Variants in FRAS1 observed in about 807,000 individuals in gnomAD.
FRAS1 encodes the protein Fraser extracellular matrix complex subunit 1, also known as extracellular matrix organizing protein FRAS1.
Under a neutral mutation model 435.2 loss-of-function variants are expected in FRAS1, and 290 were observed. The observed-to-expected ratio is 0.67, with a 90% CI of 0.61 to 0.73. The LOEUF (loss-of-function observed/expected upper bound fraction) is 0.73, where lower values mean the gene tolerates loss of function less well. Ranked by LOEUF, FRAS1 falls within the 30% of genes least tolerant of loss-of-function variation. FRAS1 has a pLI of 0.00. For synonymous variants in FRAS1, 1,800 were observed against 1,851.0 expected (o/e 0.97, Z 0.71); for missense variants, 4,860 against 5,001.5 (o/e 0.97, Z 0.85).
In FRAS1 at chr4:78,448,222, C is replaced by G. The variant is rs373570201; in HGVS notation, c.6180C>G (p.Leu2060=). The change falls in exon 44 of 74, where the codon CTC becomes CTG. Residue 2060 remains leucine (L), a synonymous_variant. Coordinates refer to ENST00000512123, the MANE Select transcript of FRAS1 (RefSeq NM_025074.7). ...DEFQFSLTDG[L]HVDTGRMKIY... is the part of the protein sequence containing the mutation. The stretch of plus-strand genomic sequence containing the variant: ...TCCAGTTCTCCCTCACTGATGGCCT[C>G]CACGTGGACACAGGGAGGATGAAGA... 6.5e-7 allele frequency: 1 copy of G among 1,546,468 alleles called. No homozygotes were observed. Among genetic ancestry groups the G allele is most frequent in the East Asian group, 2.4e-5 (1 of 41,874 alleles).
rs1252980167 is a variant in FRAS1 at position 78,144,546 on chromosome 4, A to AT, written c.108+78536dup. On this transcript the variant is annotated intron_variant, in intron 2 of 73. Coordinates refer to ENST00000512123, the MANE Select transcript of FRAS1 (RefSeq NM_025074.7). ...TTTTGTAGCTCCTGTATTTGTTTACATTTTTTATTGTAAAGTGATATACAT... is the reference window on the plus strand; with the variant it reads ...TTTTGTAGCTCCTGTATTTGTTTACATTTTTTTATTGTAAAGTGATATACAT... Among the ~76,000 whole-genome samples the AT allele has an allele frequency of 2.6e-5, 4 of 152,056 alleles. No homozygotes were observed. In the South Asian group the frequency reaches 8.3e-4, roughly 32 times the overall value.
intron 40 of FRAS1, among the ~76,000 whole-genome samples, 196 bp downstream of exon 40, chr4:78,439,260 T>G (rs1213329757): frequency 6.6e-6 from 1 of 152,200 alleles, no homozygotes; most frequent in Non-Finnish European, 1.5e-5. Context: ...GAAGATCAAA[T>G]CATTATATCT....
intron 60 of FRAS1, 92 bp downstream of exon 60, chr4:78,497,053 C>A: frequency 3.0e-6 from 3 of 1,009,034 alleles, no homozygotes; most frequent in South Asian, 3.2e-5. Flanking sequence ...AATAAAAGTG[C>A]TTTAAGAATG....
chr4:78,370,786 G>A (rs921313407), intron 23 of FRAS1, among the ~76,000 whole-genome samples: 7 of 152,182 alleles, frequency 4.6e-5, no homozygotes, highest in African/African-American at 1.7e-4. Context: ...CCAGTAGTTG[G>A]AATTCTCGGG....
At chr4:78,141,968 C>G (rs565945949) in intron 2 of FRAS1, among the ~76,000 whole-genome samples, 1 of 152,100 alleles carries the variant, frequency 6.6e-6, no homozygotes, top group Non-Finnish European at 1.5e-5. Flanking sequence ...ATACAATGGA[C>G]TTTGGGGACT....
intron 2 of FRAS1, among the ~76,000 whole-genome samples, chr4:78,082,230 AAT>A (rs1206862469): frequency 2.6e-5 from 4 of 152,096 alleles, no homozygotes; most frequent in Non-Finnish European, 4.4e-5. Flanking sequence ...CTTTATTGAA[AAT>A]ATATGTCCTT....
chr4:78,291,605 T>G (rs1241418916), intron 14 of FRAS1, among the ~76,000 whole-genome samples: 4 of 152,192 alleles, frequency 2.6e-5, no homozygotes, highest in Non-Finnish European at 4.4e-5. Context: ...TCTATTGTCC[T>G]TCTTCCTTGT....
At chr4:78,433,643 C>T (rs1183910080) in intron 38 of FRAS1, among the ~76,000 whole-genome samples, 6 of 152,126 alleles carry the variant, frequency 3.9e-5, no homozygotes, top group African/African-American at 7.2e-5. Flanking sequence ...ATTCTTCTCA[C>T]GGGTCTATTC....
At chr4:78,132,676 G>A (rs1719737230) in intron 2 of FRAS1, among the ~76,000 whole-genome samples, 1 of 152,184 alleles carries the variant, frequency 6.6e-6, no homozygotes, top group African/African-American at 2.4e-5. Flanking sequence ...TGGGACAGGA[G>A]GAGGAATGTC....
chr4:78,409,090 G>A (rs1183824123), intron 31 of FRAS1, among the ~76,000 whole-genome samples: 1 of 138,656 alleles, frequency 7.2e-6, no homozygotes, highest in East Asian at 2.1e-4. Flanking sequence ...CTGCACTCTA[G>A]CCTGGATGAC....
intron 67 of FRAS1, among the ~76,000 whole-genome samples, chr4:78,520,771 G>A (rs1249426836): frequency 1.3e-5 from 2 of 152,202 alleles, no homozygotes; most frequent in Admixed American, 1.3e-4. Context: ...CAGAATCCAT[G>A]ATGTAGAACC....
intron 9 of FRAS1, 65 bp from the exon 10 acceptor site, chr4:78,278,590 C>A: frequency 1.1e-6 from 1 of 917,274 alleles, no homozygotes; most frequent in Non-Finnish European, 1.8e-6. Flanking sequence ...AACTGCTTCT[C>A]AATTTAGCCC....
At chr4:78,080,255 A>ACAGAAAG (rs1405968508) in intron 2 of FRAS1, among the ~76,000 whole-genome samples, 14 of 152,158 alleles carry the variant, frequency 9.2e-5, no homozygotes, top group African/African-American at 3.4e-4. Flanking sequence ...CCCCTGGGGA[A>ACAGAAAG]CAGAAAGCCG....
intron 22 of FRAS1, among the ~76,000 whole-genome samples, chr4:78,365,738 AAAAAAAAAAAAAC>A (rs1233485725): frequency 3.2e-5 from 2 of 61,926 alleles, no homozygotes; most frequent in Non-Finnish European, 6.1e-5. Flanking sequence ...CTAGTACATT[AAAAAAAAAAAAAC>A]AAAAAAAAAA....
At chr4:78,237,469 G>T in intron 2 of FRAS1, 41 bp from the exon 3 acceptor site, 3 of 1,402,246 alleles carry the variant, frequency 2.1e-6, no homozygotes, top group South Asian at 2.3e-5. Flanking sequence ...CTCATACCTT[G>T]ACTGATCAGT....
At chr4:78,389,576 C>G (rs1466228773) in intron 29 of FRAS1, among the ~76,000 whole-genome samples, 1 of 152,236 alleles carries the variant, frequency 6.6e-6, no homozygotes, top group African/African-American at 2.4e-5. Flanking sequence ...CTAATTATCA[C>G]TCTTGCGATG....
chr4:78,311,363 C>A (rs886638211), intron 15 of FRAS1, among the ~76,000 whole-genome samples: 1 of 152,130 alleles, frequency 6.6e-6, no homozygotes, highest in South Asian at 2.1e-4. Flanking sequence ...TTTTCTCACT[C>A]AGCAGTACAT....
At chr4:78,137,612 GCCCCAAAGGGGC>G (rs1719978718) in intron 2 of FRAS1, among the ~76,000 whole-genome samples, 1 of 152,250 alleles carries the variant, frequency 6.6e-6, no homozygotes. Context: ...GCTGGATTGA[GCCCCAAAGGGGC>G]CCCACATCTG....
At chr4:78,091,426 T>G (rs571861048) in intron 2 of FRAS1, among the ~76,000 whole-genome samples, 3 of 152,222 alleles carry the variant, frequency 2.0e-5, no homozygotes, top group South Asian at 4.2e-4. Context: ...TTCTTAAAAC[T>G]CTGTGTCACC....
Sources: allele counts gnomAD v4.1 joint callset (sites outside exome capture counted in the v4.1 genomes callset), GRCh38; gene constraint gnomAD v4.1.1; transcripts MANE v1.5; gene names NCBI Gene and HGNC (gene_info 2026-07-23, HGNC 2026-07-21).